IPCEF1: variants seen among roughly 807,000 people sequenced by gnomAD.
IPCEF1 encodes interaction protein for cytohesin exchange factors 1, also known as interactor protein for cytohesin exchange factors 1.
IPCEF1 carries 31 observed loss-of-function variants against 50.9 expected under a neutral mutation model. That is an observed-to-expected ratio of 0.61 (90% CI 0.46 to 0.82). IPCEF1 has a LOEUF of 0.82. Ranked by LOEUF, IPCEF1 falls within the 40% of genes least tolerant of loss-of-function variation. The pLI is 0.00. For missense variants in IPCEF1, 458 were observed against 514.0 expected (o/e 0.89, Z 1.05); for synonymous variants, 181 against 192.0 (o/e 0.94, Z 0.47).
At chr6:154,247,372 C>G in intron 4 of IPCEF1, 77 bp downstream of exon 4, 2 of 1,187,312 alleles carry the variant, frequency 1.7e-6, no homozygotes, top group Non-Finnish European at 2.5e-6. Flanking sequence ...AATCTGATCC[C>G]AAGGAAGGCA....
In IPCEF1 at chr6:154,294,936, T is replaced by C. The variant is rs148320065; in HGVS notation, c.-61-5180A>G. Among the ~76,000 whole-genome samples the C allele has an allele frequency of 6.9e-3, 1,052 of 152,282 alleles. 4 individuals are homozygous for C. Among genetic ancestry groups the C allele is most frequent in the African/African-American group, 0.018 (750 of 41,576 alleles). On this transcript the variant is annotated intron_variant, in intron 1 of 11. Coordinates refer to ENST00000367220, the MANE Select transcript of IPCEF1 (RefSeq NM_001130700.2). ...GTACTTGGCCGGGCGTGGTAACTCA[T>C]GCCTGTAATCCCAGCACTTTGGGAG...
Position 154,232,348 on chromosome 6 carries a change from A to G in IPCEF1, c.247-9105T>C, listed in dbSNP as rs768131621. ...TGTGCTTGGAATCCTTTTAAGAAATATAATAATCTTGAGTAACATCTAATA... is the reference window on the plus strand; with the variant it reads ...TGTGCTTGGAATCCTTTTAAGAAATGTAATAATCTTGAGTAACATCTAATA... On this transcript the variant is annotated intron_variant, in intron 5 of 11. Transcript: ENST00000367220. Among the ~76,000 whole-genome samples, 9 of 152,356 alleles carry G rather than the reference A, an allele frequency of 5.9e-5. No individual in the cohort carries two copies. In the East Asian group the frequency reaches 1.2e-3, roughly 20 times the overall value.
At chr6:154,328,815 G>A (rs1047112761) in intron 1 of IPCEF1, among the ~76,000 whole-genome samples, 3 of 152,000 alleles carry the variant, frequency 2.0e-5, no homozygotes, top group East Asian at 1.9e-4. Flanking sequence ...CCAGGTTCCC[G>A]GTCTCACTTT....
At chr6:154,292,352 A>C (rs1381971407) in intron 1 of IPCEF1, among the ~76,000 whole-genome samples, 2 of 152,230 alleles carry the variant, frequency 1.3e-5, no homozygotes, top group Non-Finnish European at 2.9e-5. Context: ...AGTAACACTT[A>C]GTGATTGCCT....
chr6:154,311,476 A>C (rs1783076111), intron 1 of IPCEF1, among the ~76,000 whole-genome samples: 1 of 152,120 alleles, frequency 6.6e-6, no homozygotes. Flanking sequence ...TTCAAGCTAG[A>C]CCTCTTGAGC....
At position 154,168,498 on chromosome 6, in the gene IPCEF1, T is replaced by G. The variant is rs1031675529; in HGVS notation, c.911-385A>C. Among the ~76,000 whole-genome samples the G allele has an allele frequency of 6.6e-6, 1 of 152,196 alleles. No individual in the cohort carries two copies. Among genetic ancestry groups the G allele is most frequent in the Admixed American group, 6.5e-5 (1 of 15,286 alleles). Reference sequence around the variant, plus strand: ...ATTAGAAACCTGCCCTATTAACTCATCTTAACTAGTTAAATCTGCAACAAC... The same window carrying G: ...ATTAGAAACCTGCCCTATTAACTCAGCTTAACTAGTTAAATCTGCAACAAC... On this transcript the variant is annotated intron_variant, in intron 10 of 11. Coordinates refer to ENST00000367220, the MANE Select transcript of IPCEF1 (RefSeq NM_001130700.2). This position sits in a 1 kb window ranked among gnomAD's most constrained non-coding sequence, Gnocchi z 4.1.
chr6:154,186,584 T>C (rs1801374454), intron 10 of IPCEF1, among the ~76,000 whole-genome samples: 1 of 150,962 alleles, frequency 6.6e-6, no homozygotes, highest in South Asian at 2.1e-4. Context: ...TGAGACGGAG[T>C]CTCGCTTTGT....
intron 1 of IPCEF1, among the ~76,000 whole-genome samples, chr6:154,322,257 C>T (rs1157312575): frequency 1.3e-5 from 2 of 152,140 alleles, no homozygotes; most frequent in Non-Finnish European, 2.9e-5. Context: ...TGTCTCACAC[C>T]TGTAATCCCA....
intron 6 of IPCEF1, among the ~76,000 whole-genome samples, chr6:154,221,611 C>T (rs1197165390): frequency 3.9e-5 from 6 of 152,168 alleles, no homozygotes; most frequent in Non-Finnish European, 8.8e-5. Flanking sequence ...CGGTGGCTCA[C>T]GCCTGTAATC....
At chr6:154,176,699 G>A (rs1034382530) in intron 10 of IPCEF1, among the ~76,000 whole-genome samples, 2 of 152,186 alleles carry the variant, frequency 1.3e-5, no homozygotes, top group African/African-American at 4.8e-5. Flanking sequence ...AACATTCCAT[G>A]CTCATGGATA....
At chr6:154,329,568 G>A (rs1041661553) in intron 1 of IPCEF1, among the ~76,000 whole-genome samples, 1 of 151,330 alleles carries the variant, frequency 6.6e-6, no homozygotes. Flanking sequence ...TCCAGCCTGA[G>A]TGACAGAGCC....
chr6:154,256,630 C>T (rs1781469715), intron 3 of IPCEF1, among the ~76,000 whole-genome samples: 1 of 151,076 alleles, frequency 6.6e-6, no homozygotes, highest in African/African-American at 2.4e-5. Flanking sequence ...TCTCTCTTCC[C>T]ATCTGTGCTT....
In IPCEF1 at chr6:154,201,953, G is replaced by C. The variant is rs528020608; in HGVS notation, c.538-1913C>G. Among the ~76,000 whole-genome samples, 11 of 152,266 alleles carry C rather than the reference G, an allele frequency of 7.2e-5. No individual in the cohort carries two copies. The South Asian group carries it at 2.3e-3, about 32-fold the overall frequency. ...GTGTCAGGAAGGTTGACAGAGAGAGGAAGCCAAAGAGCAAACTAGGATCTT... is the reference window on the plus strand; with the variant it reads ...GTGTCAGGAAGGTTGACAGAGAGAGCAAGCCAAAGAGCAAACTAGGATCTT... On this transcript the variant is annotated intron_variant, in intron 9 of 11. Transcript: ENST00000367220.
chr6:154,292,445 C>T (rs1002092484), intron 1 of IPCEF1, among the ~76,000 whole-genome samples: 3 of 152,162 alleles, frequency 2.0e-5, no homozygotes, highest in Non-Finnish European at 2.9e-5. Flanking sequence ...GCGCTACAAT[C>T]GCATGAGGTA....
At chr6:154,266,666 T>C (rs1781764853) in intron 2 of IPCEF1, among the ~76,000 whole-genome samples, 1 of 151,314 alleles carries the variant, frequency 6.6e-6, no homozygotes, top group Non-Finnish European at 1.5e-5. Flanking sequence ...GATGTGAAAA[T>C]GTGGCCCATC....
chr6:154,186,892 C>G (rs1031987646), intron 10 of IPCEF1, among the ~76,000 whole-genome samples: 1 of 152,036 alleles, frequency 6.6e-6, no homozygotes, highest in African/African-American at 2.4e-5. Context: ...GAGATGGCAC[C>G]GCTCCTCCCT....
At chr6:154,295,272 G>A (rs781458244) in intron 1 of IPCEF1, among the ~76,000 whole-genome samples, 9 of 152,204 alleles carry the variant, frequency 5.9e-5, no homozygotes, top group Non-Finnish European at 1.2e-4. Context: ...GCTAGATGCT[G>A]CTCATGCATT....
chr6:154,269,296 T>C (rs2128657097), intron 2 of IPCEF1, among the ~76,000 whole-genome samples: 1 of 152,262 alleles, frequency 6.6e-6, no homozygotes, highest in South Asian at 2.1e-4. Flanking sequence ...GGAAATGAGA[T>C]GATGTTGATA....
At chr6:154,315,305 T>A (rs951541944) in intron 1 of IPCEF1, among the ~76,000 whole-genome samples, 3 of 152,208 alleles carry the variant, frequency 2.0e-5, no homozygotes, top group Admixed American at 2.0e-4. Flanking sequence ...TGGTGCTCAG[T>A]AAATATTTGT....
Sources: gnomAD v4.1 joint callset for allele counts (sites outside exome capture counted in the v4.1 genomes callset) on GRCh38, gnomAD v4.1.1 for gene constraint, Gnocchi (gnomAD v3.1) non-coding constraint, MANE v1.5 for transcripts, NCBI Gene and HGNC (gene_info 2026-07-23, HGNC 2026-07-21) for gene names.